The following EGFR variants were observed in gnomAD, a reference collection of about 807,000 sequenced individuals.
The protein encoded by EGFR is avian erythroblastic leukemia viral (v-erb-b) oncogene homolog.
A neutral mutation model predicts 143.0 loss-of-function variants in EGFR; 58 were observed. The observed-to-expected ratio is 0.41, with a 90% CI of 0.33 to 0.50. The LOEUF (loss-of-function observed/expected upper bound fraction) is 0.50, where lower values mean the gene tolerates loss of function less well. Ranked by LOEUF, EGFR falls within the 20% of genes least tolerant of loss-of-function variation. EGFR has a pLI of 0.39. For synonymous variants in EGFR, 613 were observed against 594.4 expected (o/e 1.03, Z -0.45); for missense variants, 1,307 against 1,579.0 (o/e 0.83, Z 2.92).
chr7:55,071,675 A>G (rs1317923957), intron 1 of EGFR, among the ~76,000 whole-genome samples: 1 of 152,254 alleles, frequency 6.6e-6, no homozygotes, highest in Non-Finnish European at 1.5e-5. Flanking sequence ...ACAGCTCCCA[A>G]GGACTCTAAA....
At chr7:55,113,920 C>T (rs1792671179) in intron 1 of EGFR, among the ~76,000 whole-genome samples, 1 of 152,198 alleles carries the variant, frequency 6.6e-6, no homozygotes, top group East Asian at 1.9e-4. Flanking sequence ...CCAAGCCAGG[C>T]CTCACCCGAC....
At chr7:55,101,484 C>T (rs1217224760) in intron 1 of EGFR, among the ~76,000 whole-genome samples, 1 of 152,172 alleles carries the variant, frequency 6.6e-6, no homozygotes, top group Non-Finnish European at 1.5e-5. Flanking sequence ...TATCACTGTG[C>T]TTTTTTTAAC....
At chr7:55,124,594 A>G (rs963043670) in intron 1 of EGFR, among the ~76,000 whole-genome samples, 2 of 152,198 alleles carry the variant, frequency 1.3e-5, no homozygotes, top group African/African-American at 4.8e-5. Flanking sequence ...GATCCAAAGG[A>G]TGGATCCCTC....
chr7:55,178,671 A>G (rs960060144), intron 19 of EGFR, among the ~76,000 whole-genome samples: 4 of 152,330 alleles, frequency 2.6e-5, no homozygotes, highest in African/African-American at 9.6e-5. Context: ...ATAAACAAGC[A>G]CTTATCCAAG....
intron 1 of EGFR, among the ~76,000 whole-genome samples, chr7:55,019,777 C>T (rs982211157): frequency 6.6e-6 from 1 of 152,180 alleles, no homozygotes; most frequent in African/African-American, 2.4e-5. Context: ...CTTCCCAGGG[C>T]GCGACGGGGT....
At chr7:55,154,293 GTCCA>G in intron 7 of EGFR, 141 bp downstream of exon 7, 2 of 1,341,230 alleles carry the variant, frequency 1.5e-6, no homozygotes, top group Non-Finnish European at 2.1e-6. Flanking sequence ...CCCTGTGCCC[GTCCA>G]GGCACACAGG....
intron 15 of EGFR, among the ~76,000 whole-genome samples, chr7:55,165,695 G>T (rs536590091): frequency 6.6e-6 from 1 of 152,320 alleles, no homozygotes; most frequent in South Asian, 2.1e-4. Context: ...CAGGAGGGTA[G>T]GGGGACAAAA....
intron 1 of EGFR, among the ~76,000 whole-genome samples, chr7:55,108,575 G>T (rs1195327354): frequency 6.6e-6 from 1 of 152,188 alleles, no homozygotes. Context: ...AAGGCAAGTC[G>T]CCATGCCTGG....
At chr7:55,175,728 G>A (rs978310827) in intron 19 of EGFR, among the ~76,000 whole-genome samples, 3 of 152,226 alleles carry the variant, frequency 2.0e-5, no homozygotes, top group Non-Finnish European at 2.9e-5. Context: ...ACAAAAGCCA[G>A]AGAGTAATAT....
At chr7:55,151,490 C>A in intron 5 of EGFR, 128 bp downstream of exon 5, 1 of 974,336 alleles carries the variant, frequency 1.0e-6, no homozygotes, top group Non-Finnish European at 1.6e-6. Flanking sequence ...CAGATGTGAA[C>A]CAGTAGGTGA....
intron 1 of EGFR, among the ~76,000 whole-genome samples, chr7:55,041,302 TC>T (rs1787883233): frequency 6.6e-6 from 1 of 152,010 alleles, no homozygotes; most frequent in East Asian, 1.9e-4. Flanking sequence ...TCCCAGCTAT[TC>T]GGGAGGCGGA....
rs566334632 is a variant in EGFR at position 55,137,924 on chromosome 7, T to A, written c.89-4362T>A. 2.0e-5 allele frequency among the ~76,000 whole-genome samples: 3 copies of A among 152,330 alleles called. No individual in the cohort carries two copies. The East Asian group carries it at 5.8e-4, about 29-fold the overall frequency. On this transcript the variant is annotated intron_variant, in intron 1 of 27. Coordinates refer to ENST00000275493, the MANE Select transcript of EGFR (RefSeq NM_005228.5). ...CAGCATGTGCATTTGTTAAAGCTCA[T>A]CAAATGCTACACTTAAGATTAATCC...
intron 20 of EGFR, among the ~76,000 whole-genome samples, chr7:55,184,803 GCTGTCCCT>G: frequency 6.6e-6 from 1 of 152,222 alleles, no homozygotes; most frequent in East Asian, 1.9e-4. Context: ...TGATGGAACA[GCTGTCCCT>G]GGAGGGAAAT....
intron 16 of EGFR, among the ~76,000 whole-genome samples, chr7:55,171,565 T>A (rs1177505221): frequency 6.6e-6 from 1 of 152,220 alleles, no homozygotes; most frequent in Non-Finnish European, 1.5e-5. Flanking sequence ...ACTTACCCCA[T>A]TGGTCCCATC....
At chr7:55,084,997 A>T (rs1490077073) in intron 1 of EGFR, among the ~76,000 whole-genome samples, 1 of 152,102 alleles carries the variant, frequency 6.6e-6, no homozygotes, top group Non-Finnish European at 1.5e-5. Flanking sequence ...GGAGGAAGGC[A>T]CAGTTTCTCT....
chr7:55,143,175 T>C lies in EGFR; in HGVS notation c.241-130T>C. 8.1e-6 allele frequency: 7 copies of C among 869,310 alleles called. No individual in the cohort carries two copies. The South Asian group carries it at 1.0e-4, about 13-fold the overall frequency. 53.8% of individuals were successfully genotyped at this position (869,310 alleles called of 1,614,324 possible). On this transcript the variant is annotated intron_variant, in intron 2 of 27. Coordinates refer to ENST00000275493, the MANE Select transcript of EGFR (RefSeq NM_005228.5). ...CCATGACTGCAATCGTCTACCTATT[T>C]TACAGTTGTTGAGCACTCGTGTGCA... is the stretch of plus-strand genomic sequence containing the variant.
intron 1 of EGFR, among the ~76,000 whole-genome samples, chr7:55,075,769 C>A (rs951683791): frequency 4.6e-5 from 7 of 152,150 alleles, no homozygotes; most frequent in South Asian, 2.1e-4. Context: ...GGGATTGGAA[C>A]TCTTTATTTT....
chr7:55,118,974 C>T (rs1793041825), intron 1 of EGFR: 1 of 151,990 alleles, frequency 6.6e-6, no homozygotes, highest in Non-Finnish European at 1.5e-5. Flanking sequence ...ACCTTTCCTC[C>T]AAAGTCAAGG....
chr7:55,168,100 C>T (rs911998859), intron 15 of EGFR, among the ~76,000 whole-genome samples: 10 of 152,128 alleles, frequency 6.6e-5, no homozygotes, highest in Admixed American at 1.3e-4. Context: ...ATATTTTCGC[C>T]TTTGGGTATA....
Sources: gnomAD v4.1 joint callset for allele counts (sites outside exome capture counted in the v4.1 genomes callset) on GRCh38, gnomAD v4.1.1 for gene constraint, MANE v1.5 for transcripts, NCBI Gene and HGNC (gene_info 2026-07-23, HGNC 2026-07-21) for gene names.